Variants in GYS1 observed in about 807,000 individuals in gnomAD.
GYS1 encodes the protein glycogen synthase 1.
A neutral mutation model predicts 89.1 loss-of-function variants in GYS1; 60 were observed. The ratio of observed to expected loss-of-function variants is 0.67; its 90% CI spans 0.55 to 0.84. GYS1 has a LOEUF of 0.84. Among genes scored for constraint, GYS1 ranks in the 40% least tolerant of loss-of-function variants. The pLI is 0.00. For missense variants in GYS1, 888 were observed against 1,003.1 expected (o/e 0.89, Z 1.55); for synonymous variants, 366 against 401.7 (o/e 0.91, Z 1.06).
intron 8 of GYS1, among the ~76,000 whole-genome samples, chr19:48,979,050 CAG>C (rs969877642): frequency 2.2e-4 from 33 of 152,160 alleles, no homozygotes; most frequent in African/African-American, 7.5e-4. Flanking sequence ...GAATCAACCT[CAG>C]AGGTTTGCGA....
At chr19:48,990,618 A>T (rs1420148015) in intron 2 of GYS1, among the ~76,000 whole-genome samples, 4 of 152,062 alleles carry the variant, frequency 2.6e-5, no homozygotes, top group African/African-American at 9.7e-5. Flanking sequence ...AACTCTACTA[A>T]CCACTTTGTC....
intron 2 of GYS1, among the ~76,000 whole-genome samples, chr19:48,987,903 C>T (rs147324865): frequency 0.01 from 1,597 of 152,152 alleles, 27 homozygotes; most frequent in African/African-American, 0.036. Context: ...TGGGTTCACA[C>T]CATTCTCCTG....
At chr19:48,990,024 G>A (rs1350209260) in intron 2 of GYS1, among the ~76,000 whole-genome samples, 1 of 118,082 alleles carries the variant, frequency 8.5e-6, no homozygotes, top group Non-Finnish European at 1.7e-5. Flanking sequence ...CTATTCTTAG[G>A]CCCCCAGCAC....
chr19:48,968,517 G>C lies in GYS1; in HGVS notation c.*771C>G. 1 of 454,590 alleles carries C rather than the reference G, an allele frequency of 2.2e-6. No individual in the cohort carries two copies. Among genetic ancestry groups the C allele is most frequent in the Non-Finnish European group, 4.4e-6 (1 of 226,806 alleles). The allele number at this position is 454,590 out of a possible 1,614,324, so 28.2% of individuals were successfully genotyped here. Reference sequence around the variant, plus strand: ...CCTCTGCAGGCGGATTCCCTGGAGGGAGATCTCAGATTTAGAAAGGAAGAG... The same window carrying C: ...CCTCTGCAGGCGGATTCCCTGGAGGCAGATCTCAGATTTAGAAAGGAAGAG... On this transcript the variant is annotated 3_prime_UTR_variant, in exon 16 of 16. Coordinates refer to ENST00000323798, the MANE Select transcript of GYS1 (RefSeq NM_002103.5).
chr19:48,983,020 T>C (rs2038790960), intron 5 of GYS1, among the ~76,000 whole-genome samples, 183 bp from the exon 6 acceptor site: 1 of 152,200 alleles, frequency 6.6e-6, no homozygotes, highest in Non-Finnish European at 1.5e-5. Flanking sequence ...AGGGTTTCTC[T>C]CTGTCGCTCA....
chr19:48,991,179 C>T lies in GYS1; in HGVS notation c.300+123G>A, dbSNP rs2038919405. 5.6e-6 allele frequency: 6 copies of T among 1,071,636 alleles called. No homozygotes were observed. Among genetic ancestry groups the T allele is most frequent in the Non-Finnish European group, 8.5e-6 (6 of 705,720 alleles). 66.4% of individuals were successfully genotyped at this position (1,071,636 alleles called of 1,614,324 possible). ...CTGGGTGTCCTATCACGCCTCCTTC[C>T]TGTGTCCAAGCCTGCCTCGCTCTCT... On this transcript the variant is annotated intron_variant, in intron 2 of 15. Coordinates refer to ENST00000323798, the MANE Select transcript of GYS1 (RefSeq NM_002103.5). This position sits in a 1 kb window ranked among gnomAD's most constrained non-coding sequence, Gnocchi z 4.7.
At chr19:48,977,851 T>G in intron 10 of GYS1, 73 bp downstream of exon 10, 1 of 1,112,912 alleles carries the variant, frequency 9.0e-7, no homozygotes. Flanking sequence ...CTCTGGGGTC[T>G]GAGCTGGCCT....
In GYS1 at chr19:48,991,251, C is replaced by G; in HGVS notation, c.300+51G>C. ...ACCCTCTCCGTCTGTGGCTCCCACC[C>G]CGATGGCAGGCTGTCCACCCGCTTC... On this transcript the variant is annotated intron_variant, in intron 2 of 15. Coordinates refer to ENST00000323798, the MANE Select transcript of GYS1 (RefSeq NM_002103.5). The surrounding 1 kb of genome is among the most constrained non-coding windows in gnomAD (Gnocchi z 4.7). 4 of 1,589,242 alleles carry G rather than the reference C, an allele frequency of 2.5e-6. No individual in the cohort carries two copies. The South Asian group carries it at 4.4e-5, about 18-fold the overall frequency.
intron 14 of GYS1, chr19:48,970,291 A>T: frequency 2.0e-6 from 1 of 491,552 alleles, no homozygotes; most frequent in South Asian, 2.1e-5. Flanking sequence ...CGCTCGGCTG[A>T]TTTTTTTTTA....
rs538945372 is a variant in GYS1, at chr19:48,973,305, G to A, written c.1549+908C>T. Reference sequence around the variant, plus strand: ...CGGTGAGTCAATTACACCTCTTTCCGTTATAAATTACCCAGTCTTGGATTT... The same window carrying A: ...CGGTGAGTCAATTACACCTCTTTCCATTATAAATTACCCAGTCTTGGATTT... On this transcript the variant is annotated intron_variant, in intron 12 of 15. Coordinates refer to ENST00000323798, the MANE Select transcript of GYS1 (RefSeq NM_002103.5). Among the ~76,000 whole-genome samples, 243 of 146,602 alleles carry A rather than the reference G, an allele frequency of 1.7e-3. 1 individual carries two copies. The highest frequency in any genetic ancestry group is 5.8e-3 in the African/African-American group (226 of 38,684).
intron 2 of GYS1, among the ~76,000 whole-genome samples, chr19:48,989,121 T>G (rs2038884005): frequency 6.6e-6 from 1 of 151,918 alleles, no homozygotes; most frequent in South Asian, 2.1e-4. Context: ...TTCCATTTTT[T>G]TTTGTTTGTT....
At chr19:48,981,449 T>A (rs1600142855) in intron 8 of GYS1, 81 bp downstream of exon 8, 1 of 820,360 alleles carries the variant, frequency 1.2e-6, no homozygotes, top group Admixed American at 1.8e-5. Flanking sequence ...AACAAAAAAC[T>A]GAGACTCTAG....
Position 48,993,001 on chromosome 19 carries a change from T to A in GYS1, c.112A>T (p.Asn38Tyr), listed in dbSNP as rs2038964274. The A allele has an allele frequency of 1.3e-6, 2 of 1,594,460 alleles. No homozygotes were observed. Among genetic ancestry groups the A allele is most frequent in the Middle Eastern group, 3.3e-4 (2 of 6,010 alleles). ...VLFEVAWEVA[N>Y]KVGGIYTVLQ... ...CGACGCCTGGCGTGCTCACCCTTGT[T>A]AGCCACCTCCCAGGCCACTTCGAAG... is the stretch of plus-strand genomic sequence containing the variant. Residue 38 changes from asparagine to tyrosine, a missense_variant, in exon 1 of 16, where the codon AAC becomes TAC. Asn to Tyr is a moderately radical substitution (Grantham distance 143). Coordinates refer to ENST00000323798, the MANE Select transcript of GYS1 (RefSeq NM_002103.5).
chr19:48,979,628 C>T (rs1158256191), intron 8 of GYS1, among the ~76,000 whole-genome samples: 8 of 147,204 alleles, frequency 5.4e-5, no homozygotes, highest in Middle Eastern at 3.5e-3. Context: ...TGAGCCACCG[C>T]GCCCAGCCTC....
At chr19:48,970,249 C>G (rs1568615953) in intron 14 of GYS1, 12 of 470,328 alleles carry the variant, frequency 2.6e-5, no homozygotes, top group South Asian at 2.2e-4. Flanking sequence ...CTCAGCCTCC[C>G]CAGTAGCTGG....
chr19:48,992,548 A>G (rs76081374), intron 1 of GYS1, among the ~76,000 whole-genome samples: 2 of 81,696 alleles, frequency 2.4e-5, no homozygotes, highest in African/African-American at 1.3e-4. Context: ...AGGTCCTCCC[A>G]CCGCCGCTCA....
rs377063513 is a variant in GYS1 at position 48,970,593 on chromosome 19, G to C, written c.1762C>G (p.Arg588Gly). 2 of 1,613,782 alleles carry C rather than the reference G, an allele frequency of 1.2e-6. No individual in the cohort carries two copies. The highest frequency in any genetic ancestry group is 1.7e-6 in the Non-Finnish European group (2 of 1,179,874). Residue 588 changes from arginine to glycine, a missense_variant, in exon 14 of 16, where the codon CGC (arginine) becomes GGC (glycine). Coordinates refer to ENST00000323798, the MANE Select transcript of GYS1 (RefSeq NM_002103.5). ...AGAAGGTCGGAGAGGCGCTCCGTGC[G>C]GTTCCGCTGGATGATACGCTGCCGC... is the stretch of plus-strand genomic sequence containing the variant. ...SRRQRIIQRN[R>G]TERLSDLLDW...
chr19:48,991,425 G>A lies in GYS1; in HGVS notation c.177C>T (p.Gly59=), dbSNP rs779646777. 83 of 1,614,102 alleles carry A rather than the reference G, an allele frequency of 5.1e-5. No homozygotes were observed. Among genetic ancestry groups the A allele is most frequent in the Middle Eastern group, 1.6e-4 (1 of 6,062 alleles). ...ACGGCCCCACCAGGAAGTAGTTGTCGCCCCATTCGTCCCCTGTCACCTTCG... is the reference window on the plus strand; with the variant it reads ...ACGGCCCCACCAGGAAGTAGTTGTCACCCCATTCGTCCCCTGTCACCTTCG... ...TKAKVTGDEW[G]DNYFLVGPYT... The change falls in exon 2 of 16, where the codon GGC becomes GGT. Residue 59 remains glycine (G), a synonymous_variant. Coordinates refer to ENST00000323798, the MANE Select transcript of GYS1 (RefSeq NM_002103.5). The surrounding 1 kb of genome is among the most constrained non-coding windows in gnomAD (Gnocchi z 4.7).
chr19:48,984,611 G>A (rs1055823870), intron 5 of GYS1, among the ~76,000 whole-genome samples: 1 of 151,998 alleles, frequency 6.6e-6, no homozygotes, highest in Non-Finnish European at 1.5e-5. Flanking sequence ...GGCCAGGCTG[G>A]TCTCGATCTC....
Sources: gnomAD v4.1 joint callset for allele counts (sites outside exome capture counted in the v4.1 genomes callset) on GRCh38, gnomAD v4.1.1 for gene constraint, Gnocchi (gnomAD v3.1) non-coding constraint, MANE v1.5 for transcripts, NCBI Gene and HGNC (gene_info 2026-07-23, HGNC 2026-07-21) for gene names.